The following SH2D4B variants were observed in gnomAD, a reference collection of about 807,000 sequenced individuals.
SH2D4B encodes the protein SH2 domain containing 4B.
A neutral mutation model predicts 61.5 loss-of-function variants in SH2D4B; 45 were observed. The ratio of observed to expected loss-of-function variants is 0.73; its 90% CI spans 0.58 to 0.94. SH2D4B has a LOEUF of 0.94. Ranked by LOEUF, SH2D4B falls within the 40% of genes least tolerant of loss-of-function variation. SH2D4B has a pLI of 0.00. For missense variants in SH2D4B, 572 were observed against 574.2 expected, an observed-to-expected ratio of 1.00 and a Z score of 0.04; for synonymous variants, 224 against 220.4, an observed-to-expected ratio of 1.02 and a Z score of -0.14.
rs58963330 is a variant in SH2D4B, at chr10:80,560,693, C to CT, written c.185-9433dup. Among the ~76,000 whole-genome samples the CT allele has an allele frequency of 7.6e-3, 445 of 58,850 alleles. 13 individuals are homozygous for CT. The highest frequency in any genetic ancestry group is 0.019 in the South Asian group (23 of 1,212). 38.6% of individuals were successfully genotyped at this position (58,850 alleles called of 152,430 possible). ...GCCTGAACCACCGTTCCTGGCCAAG[C>CT]TTTTTTTTTTTTTTTTTTTTTTTTT... is the stretch of plus-strand genomic sequence containing the variant. On this transcript the variant is annotated intron_variant, in intron 1 of 7. Transcript: ENST00000646907.
At position 80,607,302 on chromosome 10, in the gene SH2D4B, T is replaced by G. The variant is rs575029743; in HGVS notation, c.861-2122T>G. The G allele has an allele frequency of 2.0e-5, 3 of 152,262 alleles. No individual in the cohort carries two copies. In the East Asian group the frequency reaches 5.8e-4, roughly 29 times the overall value. 9.4% of individuals were successfully genotyped at this position (152,262 alleles called of 1,614,324 possible). ...AGCTATTTTTTGGGGGATGCAAATG[T>G]GGAAGAAGAGGCTGGGTGAAGCAGG... On this transcript the variant is annotated intron_variant, in intron 5 of 7. Transcript: ENST00000646907.
At chr10:80,592,395 A>G (rs534672469) in intron 4 of SH2D4B, among the ~76,000 whole-genome samples, 3 of 152,308 alleles carry the variant, frequency 2.0e-5, no homozygotes, top group South Asian at 4.1e-4. Flanking sequence ...AGTTCAATGT[A>G]TCCATTTTTT....
At chr10:80,581,018 C>T (rs184035586) in intron 3 of SH2D4B, among the ~76,000 whole-genome samples, 2 of 152,252 alleles carry the variant, frequency 1.3e-5, no homozygotes, top group Non-Finnish European at 2.9e-5. Flanking sequence ...CAGCTTTGAG[C>T]GTTATTTTAG....
At chr10:80,641,295 A>G (rs1391067874) in intron 7 of SH2D4B, among the ~76,000 whole-genome samples, 1 of 152,210 alleles carries the variant, frequency 6.6e-6, no homozygotes, top group East Asian at 1.9e-4. Context: ...CAGAGCTCAA[A>G]CACCATGCTG....
chr10:80,582,723 A>C (rs1842197119), intron 3 of SH2D4B, among the ~76,000 whole-genome samples: 2 of 152,102 alleles, frequency 1.3e-5, no homozygotes, highest in African/African-American at 4.8e-5. Context: ...GCCACTCCTG[A>C]GGGGAGACTT....
chr10:80,578,179 C>T (rs1842148663), intron 3 of SH2D4B, among the ~76,000 whole-genome samples: 1 of 152,080 alleles, frequency 6.6e-6, no homozygotes, highest in Non-Finnish European at 1.5e-5. Flanking sequence ...CCATGTTGCC[C>T]AGGCTCATCT....
At position 80,588,864 on chromosome 10, in the gene SH2D4B, T is replaced by G. The variant is rs914697231; in HGVS notation, c.643+87T>G. 2.0e-6 allele frequency: 3 copies of G among 1,501,948 alleles called. No homozygotes were observed. The African/African-American group carries it at 4.1e-5, about 21-fold the overall frequency. 93.0% of individuals were successfully genotyped at this position (1,501,948 alleles called of 1,614,324 possible). ...AATGCTGATGTACTCATTCGTCATTTCCATTCGCTCACTCACCCCATCAGC... is the reference window on the plus strand; with the variant it reads ...AATGCTGATGTACTCATTCGTCATTGCCATTCGCTCACTCACCCCATCAGC... On this transcript the variant is annotated intron_variant, in intron 4 of 7. Transcript: ENST00000646907.
intron 5 of SH2D4B, among the ~76,000 whole-genome samples, chr10:80,604,797 T>TC (rs1211212900): frequency 6.6e-6 from 1 of 151,090 alleles, no homozygotes; most frequent in Admixed American, 6.6e-5. Context: ...CTTAGTTTTT[T>TC]TTTTTTCTTT....
Position 80,643,573 on chromosome 10 carries a change from C to T in SH2D4B, c.1210-420C>T, listed in dbSNP as rs554655774. 5.3e-5 allele frequency among the ~76,000 whole-genome samples: 8 copies of T among 152,032 alleles called. No individual in the cohort carries two copies. The East Asian group carries it at 5.8e-4, about 11-fold the overall frequency. On this transcript the variant is annotated intron_variant, in intron 7 of 7. Coordinates refer to ENST00000646907, the MANE Select transcript of SH2D4B (RefSeq NM_001388272.1). ...GACCGTGAGTGGCTCATCTTTTGGG[C>T]GTGGGACTGTCTGAACTTTTTGGGT...
chr10:80,558,561 A>G (rs914186684), intron 1 of SH2D4B, among the ~76,000 whole-genome samples: 5 of 152,014 alleles, frequency 3.3e-5, no homozygotes, highest in African/African-American at 9.7e-5. Flanking sequence ...GGTCACTGCA[A>G]CTTCCATCTT....
At chr10:80,636,717 A>G (rs1840179856) in intron 7 of SH2D4B, among the ~76,000 whole-genome samples, 1 of 152,130 alleles carries the variant, frequency 6.6e-6, no homozygotes, top group Non-Finnish European at 1.5e-5. Flanking sequence ...TCAGATGGGT[A>G]GATTGCAAAA....
At chr10:80,589,564 A>G (rs1466921792) in intron 4 of SH2D4B, among the ~76,000 whole-genome samples, 1 of 152,188 alleles carries the variant, frequency 6.6e-6, no homozygotes, top group Non-Finnish European at 1.5e-5. Context: ...TAAGTTGCCA[A>G]TAATTTCCTG....
intron 6 of SH2D4B, among the ~76,000 whole-genome samples, chr10:80,627,358 C>T (rs1842776564): frequency 6.6e-6 from 1 of 152,142 alleles, no homozygotes; most frequent in Non-Finnish European, 1.5e-5. Flanking sequence ...GTATGGAGAG[C>T]CCTTTGGAGC....
intron 6 of SH2D4B, among the ~76,000 whole-genome samples, chr10:80,633,253 A>G (rs1013170656): frequency 2.6e-5 from 4 of 152,162 alleles, no homozygotes; most frequent in African/African-American, 7.2e-5. Flanking sequence ...GGGTAAGTCC[A>G]TGGGTGAGCA....
chr10:80,581,219 T>A (rs1342046313), intron 3 of SH2D4B, among the ~76,000 whole-genome samples: 1 of 152,192 alleles, frequency 6.6e-6, no homozygotes. Flanking sequence ...AACATGGCCC[T>A]ACAATTTAAC....
intron 4 of SH2D4B, among the ~76,000 whole-genome samples, chr10:80,590,925 C>T (rs961720878): frequency 2.0e-5 from 3 of 151,506 alleles, no homozygotes; most frequent in Non-Finnish European, 4.4e-5. Flanking sequence ...CTAGATTTGC[C>T]TATGATGGAC....
chr10:80,626,300 A>G (rs961497517), intron 6 of SH2D4B, among the ~76,000 whole-genome samples: 1 of 152,158 alleles, frequency 6.6e-6, no homozygotes, highest in Non-Finnish European at 1.5e-5. Context: ...AGCATACTTG[A>G]AACTTTTATT....
At chr10:80,562,589 G>A (rs1043132900) in intron 1 of SH2D4B, among the ~76,000 whole-genome samples, 1 of 152,198 alleles carries the variant, frequency 6.6e-6, no homozygotes, top group Non-Finnish European at 1.5e-5. Context: ...GAATATGGGA[G>A]TTCAGATAAC....
chr10:80,629,662 A>G (rs1384771130), intron 6 of SH2D4B, among the ~76,000 whole-genome samples: 1 of 152,212 alleles, frequency 6.6e-6, no homozygotes, highest in Non-Finnish European at 1.5e-5. Flanking sequence ...TGTGTAGAAT[A>G]CTTAGTGCAT....
Sources: allele counts gnomAD v4.1 joint callset (sites outside exome capture counted in the v4.1 genomes callset), GRCh38; gene constraint gnomAD v4.1.1; transcripts MANE v1.5; gene names NCBI Gene and HGNC (gene_info 2026-07-23, HGNC 2026-07-21).